SLC25A26: variants seen among roughly 807,000 people sequenced by gnomAD.
SLC25A26 encodes the protein mitochondrial S-adenosylmethionine carrier protein.
A neutral mutation model predicts 37.8 loss-of-function variants in SLC25A26; 36 were observed. The ratio of observed to expected loss-of-function variants is 0.95; its 90% CI spans 0.73 to 1.26. The LOEUF (loss-of-function observed/expected upper bound fraction) is 1.26, where lower values mean the gene tolerates loss of function less well. Ranked by LOEUF, SLC25A26 falls within the 50% of genes most tolerant of loss-of-function variation. The probability of loss-of-function intolerance (pLI) is 0.00; values close to 1 mark genes in which losing one functional copy is unlikely to be tolerated. For synonymous variants in SLC25A26, 129 were observed against 122.5 expected (o/e 1.05, Z -0.35); for missense variants, 390 against 331.1 (o/e 1.18, Z -1.38).
In SLC25A26 at chr3:66,300,255, T is replaced by C. The variant is rs1406664938; in HGVS notation, c.453+36876T>C. 4.3e-5 allele frequency among the ~76,000 whole-genome samples: 6 copies of C among 140,384 alleles called. No homozygotes were observed. The East Asian group carries it at 9.8e-4, about 23-fold the overall frequency. 92.1% of individuals were successfully genotyped at this position (140,384 alleles called of 152,430 possible). A position where few individuals can be genotyped will look rare whatever the true frequency, so the allele number is the denominator to read the frequency against. Reference sequence around the variant, plus strand: ...CTTCTAGGCTAGGGTTTTTTTGTTTTGTTTTTTTTTTTTTTTTTGGTGTTA... The same window carrying C: ...CTTCTAGGCTAGGGTTTTTTTGTTTCGTTTTTTTTTTTTTTTTTGGTGTTA... On this transcript the variant is annotated intron_variant, in intron 5 of 9. Transcript: ENST00000354883.
At chr3:66,271,240 A>G (rs536492412) in intron 5 of SLC25A26, among the ~76,000 whole-genome samples, 16 of 152,308 alleles carry the variant, frequency 1.1e-4, no homozygotes, top group African/African-American at 3.6e-4. Flanking sequence ...GCTTCAAATA[A>G]CAGAAAATTT....
At chr3:66,320,818 C>T (rs1054889971) in intron 5 of SLC25A26, among the ~76,000 whole-genome samples, 22 of 152,060 alleles carry the variant, frequency 1.4e-4, no homozygotes, top group South Asian at 4.1e-4. Context: ...TTTAAAAGTA[C>T]GTTTAAGATA....
At chr3:66,139,081 A>G (rs2069995038) in intron 1 of SLC25A26, among the ~76,000 whole-genome samples, 1 of 151,772 alleles carries the variant, frequency 6.6e-6, no homozygotes, top group Non-Finnish European at 1.5e-5. Flanking sequence ...GGAGAATGAA[A>G]TTCTAAAGTT....
At chr3:66,284,546 T>A (rs769930234) in intron 5 of SLC25A26, among the ~76,000 whole-genome samples, 4 of 152,050 alleles carry the variant, frequency 2.6e-5, no homozygotes, top group Non-Finnish European at 5.9e-5. Context: ...ATATTGTTTA[T>A]AACAGGAACA....
At chr3:66,241,231 A>G (rs1383210771) in intron 2 of SLC25A26, among the ~76,000 whole-genome samples, 1 of 152,024 alleles carries the variant, frequency 6.6e-6, no homozygotes, top group African/African-American at 2.4e-5. Context: ...CCAACCCTAC[A>G]CATTGTGACT....
intron 1 of SLC25A26, among the ~76,000 whole-genome samples, chr3:66,174,907 G>A (rs2070555337): frequency 6.6e-6 from 1 of 151,606 alleles, no homozygotes; most frequent in African/African-American, 2.4e-5. Flanking sequence ...GCTTGGTCCA[G>A]CTGGCACCAC....
intron 3 of SLC25A26, among the ~76,000 whole-genome samples, chr3:66,248,283 T>G (rs1250382755): frequency 6.6e-6 from 1 of 152,218 alleles, no homozygotes; most frequent in African/African-American, 2.4e-5. Context: ...TCAAATAAGA[T>G]TTAACATGTA....
At chr3:66,245,775 C>T (rs781855385) in intron 3 of SLC25A26, among the ~76,000 whole-genome samples, 2 of 152,142 alleles carry the variant, frequency 1.3e-5, no homozygotes, top group East Asian at 1.9e-4. Flanking sequence ...TAAAAGTTAA[C>T]ATGAAGAAGA....
intron 5 of SLC25A26, among the ~76,000 whole-genome samples, chr3:66,267,218 C>G (rs546622075): frequency 6.6e-6 from 1 of 152,088 alleles, no homozygotes; most frequent in Admixed American, 6.6e-5. Context: ...TAGCATAAAA[C>G]GATTCTTAAT....
chr3:66,135,252 A>G (rs1430733151), intron 1 of SLC25A26, among the ~76,000 whole-genome samples: 1 of 152,202 alleles, frequency 6.6e-6, no homozygotes, highest in Non-Finnish European at 1.5e-5. Context: ...AATTTCAGAA[A>G]TGTTTTTAAC....
chr3:66,179,718 C>A (rs147037946), intron 1 of SLC25A26, among the ~76,000 whole-genome samples: 2,069 of 148,840 alleles, frequency 0.014, 53 homozygotes, highest in African/African-American at 0.043. Context: ...TGTTACTGGG[C>A]TTTTTTTTTT....
chr3:66,158,774 A>G (rs574893813), intron 1 of SLC25A26, among the ~76,000 whole-genome samples: 6 of 152,172 alleles, frequency 3.9e-5, no homozygotes, highest in African/African-American at 1.4e-4. Context: ...ATATGAGGAC[A>G]ATCATGAGTG....
intron 1 of SLC25A26, among the ~76,000 whole-genome samples, chr3:66,139,960 G>T (rs2070010122): frequency 6.6e-6 from 1 of 152,138 alleles, no homozygotes; most frequent in Non-Finnish European, 1.5e-5. Flanking sequence ...AGGTGTTGTA[G>T]GTGACAAAAA....
At chr3:66,151,415 A>G (rs2070206781) in intron 1 of SLC25A26, among the ~76,000 whole-genome samples, 1 of 152,218 alleles carries the variant, frequency 6.6e-6, no homozygotes, top group South Asian at 2.1e-4. Flanking sequence ...CCAAGAGACG[A>G]GCTGGGCCAT....
chr3:66,244,975 TC>T (rs1293307588), intron 3 of SLC25A26, among the ~76,000 whole-genome samples: 1 of 152,098 alleles, frequency 6.6e-6, no homozygotes, highest in South Asian at 2.1e-4. Context: ...AGACTCTGTC[TC>T]AAAAAAACAA....
At chr3:66,192,352 A>C (rs897600043) in intron 1 of SLC25A26, among the ~76,000 whole-genome samples, 3 of 150,732 alleles carry the variant, frequency 2.0e-5, no homozygotes, top group Admixed American at 2.0e-4. Context: ...GAAATTGCAG[A>C]ATTTGCTCCC....
chr3:66,173,969 T>C (rs1336545223), intron 1 of SLC25A26, among the ~76,000 whole-genome samples: 3 of 151,824 alleles, frequency 2.0e-5, no homozygotes, highest in Admixed American at 2.0e-4. Flanking sequence ...AGGAGAATCA[T>C]TTGAACCCAG....
chr3:66,174,823 A>T (rs541612096), intron 1 of SLC25A26, among the ~76,000 whole-genome samples: 3 of 146,742 alleles, frequency 2.0e-5, no homozygotes, highest in Non-Finnish European at 4.5e-5. Context: ...GAAAAAAAAA[A>T]TGCGCTATGA....
At chr3:66,311,415 T>C (rs2075373794) in intron 5 of SLC25A26, among the ~76,000 whole-genome samples, 2 of 152,108 alleles carry the variant, frequency 1.3e-5, no homozygotes, top group Non-Finnish European at 2.9e-5. Context: ...GGTTCTTAGC[T>C]TGCTTTCATT....
Sources: allele counts gnomAD v4.1 joint callset (sites outside exome capture counted in the v4.1 genomes callset), GRCh38; gene constraint gnomAD v4.1.1; transcripts MANE v1.5; gene names NCBI Gene and HGNC (gene_info 2026-07-23, HGNC 2026-07-21).